The following STAB2 variants were observed in gnomAD, a reference collection of about 807,000 sequenced individuals.
STAB2 encodes stabilin-2.
A neutral mutation model predicts 338.1 loss-of-function variants in STAB2; 288 were observed. That is an observed-to-expected ratio of 0.85 (90% CI 0.77 to 0.94). The LOEUF is 0.94. STAB2 is among the 40% of genes least tolerant of loss of function. STAB2 has a pLI of 0.00. For missense variants in STAB2, 3,141 were observed against 3,210.1 expected, an observed-to-expected ratio of 0.98 and a Z score of 0.52; for synonymous variants, 1,202 against 1,193.3, an observed-to-expected ratio of 1.01 and a Z score of -0.15.
At chr12:103,694,134 C>A (rs1430580867) in intron 31 of STAB2, among the ~76,000 whole-genome samples, 1 of 152,168 alleles carries the variant, frequency 6.6e-6, no homozygotes, top group Non-Finnish European at 1.5e-5. Flanking sequence ...TTGTGCCCTG[C>A]ATAAAGGTGC....
chr12:103,750,453 AG>A, intron 59 of STAB2, 125 bp from the exon 60 acceptor site: 1 of 1,213,098 alleles, frequency 8.2e-7, no homozygotes, highest in Non-Finnish European at 1.2e-6. Context: ...CCCACTGGAC[AG>A]GAAAGGCACG....
chr12:103,654,618 A>T lies in STAB2; in HGVS notation c.1471A>T (p.Ile491Phe), dbSNP rs192925107. ...KKKVKIIQGD[I>F]IASNGLLHIL... ...GAAGGTAAAAATTATACAAGGGGAC[A>T]TCATTGCTTCCAATGGGCTTCTGCA... Residue 491 changes from isoleucine (I) to phenylalanine (F), a missense_variant, in exon 13 of 69, where the codon ATC becomes TTC. Coordinates refer to ENST00000388887, the MANE Select transcript of STAB2 (RefSeq NM_017564.10). 3.7e-6 allele frequency: 6 copies of T among 1,614,220 alleles called. No individual in the cohort carries two copies. Among genetic ancestry groups the T allele is most frequent in the Non-Finnish European group, 5.1e-6 (6 of 1,180,018 alleles).
At position 103,730,120 on chromosome 12, in the gene STAB2, C is replaced by T. The variant is rs201397886; in HGVS notation, c.5087C>T (p.Thr1696Met). The T allele has an allele frequency of 3.1e-5, 49 of 1,583,624 alleles. No homozygotes were observed. Among genetic ancestry groups the T allele is most frequent in the South Asian group, 1.3e-4 (11 of 85,114 alleles). ...EPIVISVSQS[T>M]VYINNKAKII... ...TTTGTTTTTGGTTGATTTCAGAGCA[C>T]GGTGTATATAAACAATAAGGCTAAG... Residue 1696 changes from threonine to methionine, a missense_variant, in exon 49 of 69, where the codon ACG becomes ATG. Physicochemically the swap from Thr to Met is moderately conservative, Grantham distance 81. Coordinates refer to ENST00000388887, the MANE Select transcript of STAB2 (RefSeq NM_017564.10).
At chr12:103,700,920 T>C (rs1878805529) in intron 34 of STAB2, among the ~76,000 whole-genome samples, 1 of 151,768 alleles carries the variant, frequency 6.6e-6, no homozygotes, top group African/African-American at 2.4e-5. Flanking sequence ...TATGTATACA[T>C]GTGCCATGCT....
At chr12:103,601,218 G>A (rs949341932) in intron 3 of STAB2, among the ~76,000 whole-genome samples, 5 of 151,968 alleles carry the variant, frequency 3.3e-5, no homozygotes, top group Non-Finnish European at 5.9e-5. Context: ...TGCTACCCAG[G>A]GTCTACATTG....
intron 30 of STAB2, among the ~76,000 whole-genome samples, chr12:103,691,680 C>T (rs1877950393): frequency 6.6e-6 from 1 of 152,142 alleles, no homozygotes. Flanking sequence ...TCAATCAAGG[C>T]CCTTGACCTA....
In STAB2 at chr12:103,706,841, C is replaced by T. The variant is rs2138982818; in HGVS notation, c.4046C>T (p.Pro1349Leu). ...TTTGGCCCCCAATGCCAGCCCTGCC[C>T]AGGGAATGCCCAGAATGTCTGCTTT... ...GFFGPQCQPC[P>L]GNAQNVCFGN... Residue 1349 changes from proline (P) to leucine (L), a missense_variant, in exon 38 of 69, where the codon CCA becomes CTA. Pro to Leu is a moderately conservative substitution (Grantham distance 98, BLOSUM62 -3). Coordinates refer to ENST00000388887, the MANE Select transcript of STAB2 (RefSeq NM_017564.10). 1 of 1,614,244 alleles carries T rather than the reference C, an allele frequency of 6.2e-7. No homozygotes were observed.
intron 44 of STAB2, among the ~76,000 whole-genome samples, chr12:103,720,508 G>GA (rs1880679963): frequency 6.6e-6 from 1 of 152,174 alleles, no homozygotes; most frequent in African/African-American, 2.4e-5. Flanking sequence ...TAAAAGATAT[G>GA]AAAATTTATG....
At chr12:103,623,618 C>G (rs910352374) in intron 5 of STAB2, among the ~76,000 whole-genome samples, 13 of 152,280 alleles carry the variant, frequency 8.5e-5, no homozygotes, top group Admixed American at 8.5e-4. Flanking sequence ...ATGTTCTCCC[C>G]AGAGTCTCCA....
intron 42 of STAB2, 53 bp downstream of exon 42, chr12:103,713,821 A>T: frequency 1.2e-6 from 2 of 1,602,808 alleles, no homozygotes; most frequent in East Asian, 4.5e-5. Context: ...TCATAGCCCT[A>T]TTAAATGATT....
rs530067894 is a variant in STAB2 at position 103,676,154 on chromosome 12, C to T, written c.2646+133C>T. The T allele has an allele frequency of 9.2e-4, 493 of 537,244 alleles. 1 individual carries two copies. Among genetic ancestry groups the T allele is most frequent in the Non-Finnish European group, 1.4e-3 (449 of 323,938 alleles). 33.3% of individuals were successfully genotyped at this position (537,244 alleles called of 1,614,324 possible). A position where few individuals can be genotyped will look rare whatever the true frequency, so the allele number is the denominator to read the frequency against. On this transcript the variant is annotated intron_variant, in intron 24 of 68. Transcript: ENST00000388887. ...TTGGCTCACTGCAACATCCGCCTCC[C>T]GGATTCAAGCGATTCTCCTGCCTCA...
chr12:103,713,260 G>T (rs1880028782), intron 41 of STAB2, among the ~76,000 whole-genome samples: 1 of 152,156 alleles, frequency 6.6e-6, no homozygotes, highest in South Asian at 2.1e-4. Context: ...TAGAAAAAAT[G>T]GAAAATCTTA....
intron 30 of STAB2, among the ~76,000 whole-genome samples, chr12:103,691,625 C>G (rs1407448717): frequency 6.6e-6 from 1 of 152,088 alleles, no homozygotes; most frequent in African/African-American, 2.4e-5. Context: ...AACTAAACAC[C>G]CATCTGGGCA....
chr12:103,748,623 C>T (rs865923792), intron 58 of STAB2, among the ~76,000 whole-genome samples: 64 of 62,768 alleles, frequency 1.0e-3, no homozygotes, highest in Middle Eastern at 9.6e-3. Context: ...CACACACACA[C>T]ACACACACAC....
intron 3 of STAB2, among the ~76,000 whole-genome samples, chr12:103,612,286 A>G (rs1256430812): frequency 6.6e-6 from 1 of 152,230 alleles, no homozygotes; most frequent in Non-Finnish European, 1.5e-5. Flanking sequence ...GTGTTTTCCA[A>G]CTTAGTTCCA....
chr12:103,712,520 C>T, intron 41 of STAB2, 77 bp downstream of exon 41: 2 of 1,108,686 alleles, frequency 1.8e-6, no homozygotes, highest in Non-Finnish European at 2.8e-6. Flanking sequence ...TTCCTGCAGT[C>T]TGAATGGGCC....
chr12:103,668,568 T>TCGA, intron 19 of STAB2, 75 bp from the exon 20 acceptor site: 1 of 1,302,564 alleles, frequency 7.7e-7, no homozygotes, highest in Admixed American at 2.0e-5. Flanking sequence ...ATGGCAAGTG[T>TCGA]CTGCAGAGGG....
At chr12:103,723,687 G>A (rs1880952858) in intron 44 of STAB2, among the ~76,000 whole-genome samples, 1 of 152,190 alleles carries the variant, frequency 6.6e-6, no homozygotes, top group African/African-American at 2.4e-5. Context: ...TTAGAGTGGG[G>A]CCCAGGAGGG....
chr12:103,599,167 T>G (rs1956919698), intron 3 of STAB2, among the ~76,000 whole-genome samples: 1 of 152,170 alleles, frequency 6.6e-6, no homozygotes, highest in South Asian at 2.1e-4. Flanking sequence ...ACAAAGGTGG[T>G]GACATGGAAT....
Sources: gnomAD v4.1 joint callset for allele counts (sites outside exome capture counted in the v4.1 genomes callset) on GRCh38, gnomAD v4.1.1 for gene constraint, MANE v1.5 for transcripts, NCBI Gene and HGNC (gene_info 2026-07-23, HGNC 2026-07-21) for gene names.